Variants in CYP19A1 observed in about 807,000 individuals in gnomAD.
The protein encoded by CYP19A1 is aromatase.
A neutral mutation model predicts 44.4 loss-of-function variants in CYP19A1; 32 were observed. That is an observed-to-expected ratio of 0.72 (90% CI 0.54 to 0.97). The LOEUF is 0.97. Ranked by LOEUF, CYP19A1 falls within the 50% of genes least tolerant of loss-of-function variation. The pLI, the probability that CYP19A1 is intolerant of heterozygous loss-of-function variation, is 0.00. For missense variants in CYP19A1, 598 were observed against 637.8 expected, an observed-to-expected ratio of 0.94 and a Z score of 0.67; for synonymous variants, 212 against 215.6, an observed-to-expected ratio of 0.98 and a Z score of 0.14.
intron 1 of CYP19A1, among the ~76,000 whole-genome samples, chr15:51,263,601 G>C (rs893970958): frequency 6.6e-6 from 1 of 152,112 alleles, no homozygotes; most frequent in African/African-American, 2.4e-5. Context: ...GAAAAGAGAG[G>C]GTATAGCTGA....
chr15:51,294,581 T>TG (rs559000531), intron 1 of CYP19A1, among the ~76,000 whole-genome samples: 17,807 of 136,060 alleles, frequency 0.13, 2,337 homozygotes, highest in African/African-American at 0.34. Flanking sequence ...GGGAGGGAGG[T>TG]GGGGGGATCA....
chr15:51,284,771 C>T (rs1213725773), intron 1 of CYP19A1, among the ~76,000 whole-genome samples: 2 of 152,146 alleles, frequency 1.3e-5, no homozygotes, highest in Non-Finnish European at 2.9e-5. Flanking sequence ...TGGAGGAATG[C>T]ACATACAAAG....
At chr15:51,222,317 T>A (rs764010344) in intron 5 of CYP19A1, 32 bp downstream of exon 5, 1 of 1,614,106 alleles carries the variant, frequency 6.2e-7, no homozygotes, top group Non-Finnish European at 8.5e-7. Flanking sequence ...AAAGGACAGA[T>A]GGTCAAGATG....
intron 1 of CYP19A1, among the ~76,000 whole-genome samples, chr15:51,296,952 C>A (rs1451940287): frequency 6.6e-6 from 1 of 152,180 alleles, no homozygotes; most frequent in East Asian, 1.9e-4. Flanking sequence ...GGATTTACAA[C>A]CTCATGCCAG....
At chr15:51,332,992 T>C (rs1486010704) in intron 1 of CYP19A1, among the ~76,000 whole-genome samples, 1 of 152,226 alleles carries the variant, frequency 6.6e-6, no homozygotes. Flanking sequence ...GGCCCTTTCT[T>C]AACTTGGGAA....
chr15:51,309,599 A>G (rs1262620959), intron 1 of CYP19A1, among the ~76,000 whole-genome samples: 3 of 152,248 alleles, frequency 2.0e-5, no homozygotes, highest in African/African-American at 4.8e-5. Flanking sequence ...ACTGTTAAAA[A>G]CAGGTAATCT....
intron 1 of CYP19A1, among the ~76,000 whole-genome samples, chr15:51,314,507 C>T (rs893020087): frequency 6.6e-6 from 1 of 152,114 alleles, no homozygotes; most frequent in Non-Finnish European, 1.5e-5. Flanking sequence ...GTAGTCCCTC[C>T]TTTCAATAAG....
At chr15:51,331,911 ATG>A (rs1305794040) in intron 1 of CYP19A1, among the ~76,000 whole-genome samples, 2 of 150,784 alleles carry the variant, frequency 1.3e-5, no homozygotes, top group African/African-American at 4.9e-5. Flanking sequence ...TATTTCTTGT[ATG>A]TGTGTGTATA....
intron 3 of CYP19A1, among the ~76,000 whole-genome samples, chr15:51,234,806 A>G (rs1043232601): frequency 6.6e-6 from 1 of 152,096 alleles, no homozygotes; most frequent in African/African-American, 2.4e-5. Context: ...AGAGGTTCTG[A>G]TCTAAAAGTG....
At chr15:51,316,045 AG>A (rs1236484322) in intron 1 of CYP19A1, 1 of 152,208 alleles carries the variant, frequency 6.6e-6, no homozygotes, top group African/African-American at 2.4e-5. Flanking sequence ...CTCAAGTCCC[AG>A]TTCTGGTTCC....
Position 51,210,933 on chromosome 15 carries a change from A to T in CYP19A1, c.1387T>A (p.Leu463Met). The T allele has an allele frequency of 6.2e-7, 1 of 1,609,256 alleles. No homozygotes were observed. The highest frequency in any genetic ancestry group is 1.7e-5 in the Admixed American group (1 of 60,004). ...TLLRRFHVKT[L>M]QGQCVESIQK... is the part of the protein sequence containing the mutation. ...ATGCTCTCAACACACTGTCCTTGCA[A>T]TGTCTTCACGTGGAATCGTCTCAGA... The change falls in exon 10 of 10, where the codon TTG (leucine) becomes ATG (methionine). Residue 463 changes from leucine (L) to methionine (M), a missense_variant. By Grantham distance (15) the Leu-to-Met change is conservative. Coordinates refer to ENST00000396402, the MANE Select transcript of CYP19A1 (RefSeq NM_000103.4).
chr15:51,211,022 C>G lies in CYP19A1; in HGVS notation c.1298G>C (p.Gly433Ala), dbSNP rs1465274838. ...PYRYFQPFGF[G>A]PRGCAGKYIA... ...GTACTTTCCTGCACAGCCACGGGGC[C>G]CAAAGCCAAATGGCTGAAAGTACCT... The change falls in exon 10 of 10, where the codon GGG becomes GCG. Residue 433 changes from glycine to alanine, a missense_variant. Transcript: ENST00000396402. 6.3e-7 allele frequency: 1 copy of G among 1,590,494 alleles called. No individual in the cohort carries two copies. Among genetic ancestry groups the G allele is most frequent in the Non-Finnish European group, 8.6e-7 (1 of 1,158,746 alleles).
In CYP19A1 at chr15:51,242,782, G is replaced by A; in HGVS notation, c.131C>T (p.Thr44Ile). 1 of 1,564,020 alleles carries A rather than the reference G, an allele frequency of 6.4e-7. No individual in the cohort carries two copies. The highest frequency in any genetic ancestry group is 1.1e-5 in the South Asian group (1 of 90,024). The change falls in exon 2 of 10, where the codon ACA becomes ATA. Residue 44 changes from threonine to isoleucine, a missense_variant. Thr to Ile is a moderately conservative substitution (Grantham distance 89). Transcript: ENST00000396402. ...GACTGACTTACCTGGTATTGAGGAT[G>A]TGCCCTCATAATTCCACACCAAGAG... ...LFLLVWNYEG[T>I]SSIPGPGYCM...
chr15:51,209,570 A>G lies in CYP19A1; in HGVS notation c.*1238T>C, dbSNP rs773502422. The stretch of plus-strand genomic sequence containing the variant: ...ATAACACAAGTAAAGTGGTGTTTGG[A>G]AAGTTCCTCCATTCATTTGATTTCC... On this transcript the variant is annotated 3_prime_UTR_variant, in exon 10 of 10. Coordinates refer to ENST00000396402, the MANE Select transcript of CYP19A1 (RefSeq NM_000103.4). 2 of 152,620 alleles carry G rather than the reference A, an allele frequency of 1.3e-5. No homozygotes were observed. The highest frequency in any genetic ancestry group is 1.9e-4 in the East Asian group (1 of 5,204). The allele number at this position is 152,620 out of a possible 1,614,324, so 9.5% of individuals were successfully genotyped here.
chr15:51,260,517 T>C (rs1309357374), intron 1 of CYP19A1, among the ~76,000 whole-genome samples: 1 of 152,114 alleles, frequency 6.6e-6, no homozygotes, highest in East Asian at 1.9e-4. Flanking sequence ...ATTGAGTCAT[T>C]TAGAAGTCAG....
intron 4 of CYP19A1, among the ~76,000 whole-genome samples, chr15:51,227,028 G>A (rs1031757306): frequency 6.6e-6 from 1 of 152,038 alleles, no homozygotes; most frequent in African/African-American, 2.4e-5. Flanking sequence ...ACATTGTTTG[G>A]CCGTGTTTAA....
At chr15:51,215,663 C>T (rs1416856503) in intron 7 of CYP19A1, 40 bp downstream of exon 7, 3 of 1,613,738 alleles carry the variant, frequency 1.9e-6, no homozygotes, top group East Asian at 2.2e-5. Flanking sequence ...ACAGTCATAA[C>T]ATATGTGGCA....
intron 1 of CYP19A1, among the ~76,000 whole-genome samples, chr15:51,268,049 T>C (rs533180153): frequency 2.0e-5 from 3 of 152,372 alleles, no homozygotes; most frequent in East Asian, 1.9e-4. Context: ...ATCTTTTTAC[T>C]GTAGAGGTGG....
chr15:51,264,591 G>A (rs895260363), intron 1 of CYP19A1, among the ~76,000 whole-genome samples: 27 of 152,122 alleles, frequency 1.8e-4, no homozygotes, highest in Admixed American at 1.2e-3. Flanking sequence ...TATTGAAAAC[G>A]CAGGGCAGAA....
Sources: gnomAD v4.1 joint callset for allele counts (sites outside exome capture counted in the v4.1 genomes callset) on GRCh38, gnomAD v4.1.1 for gene constraint, MANE v1.5 for transcripts, NCBI Gene and HGNC (gene_info 2026-07-23, HGNC 2026-07-21) for gene names.